USP10: variants seen among roughly 807,000 people sequenced by gnomAD.
The protein encoded by USP10 is ubiquitin specific peptidase 10, also known as ubiquitin carboxyl-terminal hydrolase 10.
Under a neutral mutation model 84.5 loss-of-function variants are expected in USP10, and 22 were observed. The ratio of observed to expected loss-of-function variants is 0.26; its 90% confidence interval spans 0.19 to 0.37. The LOEUF is 0.37. Among genes scored for constraint, USP10 ranks in the 10% least tolerant of loss-of-function variants. The pLI, the probability that USP10 is intolerant of heterozygous loss-of-function variation, is 1.00. For missense variants in USP10, 1,019 were observed against 998.9 expected, an observed-to-expected ratio of 1.02 and a Z score of -0.27; for synonymous variants, 454 against 387.6, an observed-to-expected ratio of 1.17 and a Z score of -2.01.
At position 84,759,913 on chromosome 16, in the gene USP10, A is replaced by G; in HGVS notation, c.1417A>G (p.Thr473Ala). ...TAGTGTTCGGCTAATGAATGAGTTC[A>G]CTAATATGCCAGTACCTCCAAAACC... ...DSFVRLMNEF[T>A]NMPVPPKPRQ... is the part of the protein sequence containing the mutation. The change falls in exon 7 of 14, where the codon ACT (threonine) becomes GCT (alanine). Residue 473 changes from threonine to alanine, a missense_variant. This residue lies in a region of USP10 where 787 missense variants were observed against 708.8 expected (regional missense o/e 1.11). Coordinates refer to ENST00000219473, the MANE Select transcript of USP10 (RefSeq NM_005153.3). The G allele has an allele frequency of 6.2e-7, 1 of 1,614,028 alleles. No individual in the cohort carries two copies. Among genetic ancestry groups the G allele is most frequent in the Non-Finnish European group, 8.5e-7 (1 of 1,179,888 alleles).
chr16:84,732,914 G>A, intron 1 of USP10: 1 of 368,216 alleles, frequency 2.7e-6, no homozygotes. Flanking sequence ...ATGTGTATCT[G>A]TGTATCCTAT....
At position 84,779,037 on chromosome 16, in the gene USP10, A is replaced by G; in HGVS notation, c.2352A>G (p.Glu784=). 6.2e-7 allele frequency: 1 copy of G among 1,613,988 alleles called. No homozygotes were observed. The highest frequency in any genetic ancestry group is 8.5e-7 in the Non-Finnish European group (1 of 1,179,882). The change falls in exon 14 of 14, where the codon GAA becomes GAG. Residue 784 remains glutamate, a synonymous_variant. Coordinates refer to ENST00000219473, the MANE Select transcript of USP10 (RefSeq NM_005153.3). The stretch of plus-strand genomic sequence containing the variant: ...ACCAGGTGGTGAAACCAACTGCTGA[A>G]CGCACAGCCTACCTCCTGTATTACC... ...NQYQVVKPTA[E]RTAYLLYYRR...
chr16:84,733,574 G>T, intron 2 of USP10, 71 bp downstream of exon 2: 3 of 1,188,598 alleles, frequency 2.5e-6, no homozygotes, highest in Admixed American at 2.5e-5. Context: ...ATTTTAATTT[G>T]TTTTTTTAAA....
chr16:84,739,698 A>G (rs1038037020), intron 2 of USP10, among the ~76,000 whole-genome samples: 4 of 152,258 alleles, frequency 2.6e-5, no homozygotes, highest in Non-Finnish European at 5.9e-5. Flanking sequence ...TCAGCTTTTT[A>G]CAAAGAAGTC....
chr16:84,730,556 C>T (rs1376337175), intron 1 of USP10, among the ~76,000 whole-genome samples: 1 of 152,174 alleles, frequency 6.6e-6, no homozygotes, highest in Non-Finnish European at 1.5e-5. Flanking sequence ...TCTGAGCGTT[C>T]CAGCTCATGA....
intron 4 of USP10, among the ~76,000 whole-genome samples, chr16:84,757,904 T>C (rs184126366): frequency 6.6e-6 from 1 of 152,316 alleles, no homozygotes; most frequent in East Asian, 1.9e-4. Context: ...CATTTGTCAA[T>C]TGTAAAGAAC....
intron 4 of USP10, among the ~76,000 whole-genome samples, chr16:84,751,110 C>T (rs1050341348): frequency 1.3e-5 from 2 of 152,222 alleles, no homozygotes; most frequent in African/African-American, 4.8e-5. Flanking sequence ...TGGAGCTAAA[C>T]AATTTCTAGT....
Position 84,725,786 on chromosome 16 carries a change from A to C in USP10, c.22-7649A>C, listed in dbSNP as rs182403471. 3.0e-4 allele frequency among the ~76,000 whole-genome samples: 45 copies of C among 152,358 alleles called. No homozygotes were observed. The East Asian group carries it at 6.0e-3, about 20-fold the overall frequency. On this transcript the variant is annotated intron_variant, in intron 1 of 13. Transcript: ENST00000219473. Reference sequence around the variant, plus strand: ...TTTTGGAGATGGGAAGAATTTTAGAAGTTGTCTGGTCCAACATACCTTCAT... The same window carrying C: ...TTTTGGAGATGGGAAGAATTTTAGACGTTGTCTGGTCCAACATACCTTCAT...
At chr16:84,727,459 A>AAAAC (rs138251432) in intron 1 of USP10, among the ~76,000 whole-genome samples, 1,668 of 148,440 alleles carry the variant, frequency 0.011, 23 homozygotes, top group African/African-American at 0.036. Flanking sequence ...TAGCTTTAAA[A>AAAAC]AAACAAACAA....
At chr16:84,725,097 G>T (rs1255752640) in intron 1 of USP10, among the ~76,000 whole-genome samples, 1 of 152,154 alleles carries the variant, frequency 6.6e-6, no homozygotes, top group African/African-American at 2.4e-5. Flanking sequence ...GGTTTTTAGT[G>T]TATTCACAAA....
chr16:84,738,872 A>G (rs58671779), intron 2 of USP10, among the ~76,000 whole-genome samples: 2,073 of 152,210 alleles, frequency 0.014, 41 homozygotes, highest in African/African-American at 0.047. Context: ...CAGCTCTCAT[A>G]CAGTATTGGG....
At chr16:84,757,543 C>T (rs574174476) in intron 4 of USP10, among the ~76,000 whole-genome samples, 52 of 151,888 alleles carry the variant, frequency 3.4e-4, no homozygotes, top group African/African-American at 1.2e-3. Flanking sequence ...TATTTTTGAG[C>T]GATGCCTTAG....
At chr16:84,742,850 T>A (rs1358560156) in intron 3 of USP10, among the ~76,000 whole-genome samples, 3 of 152,258 alleles carry the variant, frequency 2.0e-5, no homozygotes, top group Non-Finnish European at 4.4e-5. Flanking sequence ...GAAATGGTTC[T>A]GTTCACGTTA....
chr16:84,737,964 C>G (rs1910148977), intron 2 of USP10, among the ~76,000 whole-genome samples: 1 of 152,228 alleles, frequency 6.6e-6, no homozygotes, highest in Admixed American at 6.5e-5. Flanking sequence ...GTGTATTTTT[C>G]CCGATTGCTG....
At position 84,700,121 on chromosome 16, in the gene USP10, G is replaced by A; in HGVS notation, c.21+10G>A. The A allele has an allele frequency of 7.5e-7, 1 of 1,341,972 alleles. No homozygotes were observed. Among genetic ancestry groups the A allele is most frequent in the Non-Finnish European group, 9.8e-7 (1 of 1,025,164 alleles). The allele number at this position is 1,341,972 out of a possible 1,614,324, so 83.1% of individuals were successfully genotyped here. On this transcript the variant is annotated intron_variant, in intron 1 of 13. Coordinates refer to ENST00000219473, the MANE Select transcript of USP10 (RefSeq NM_005153.3). ...CCTCCACAGCCCGCAGGTAGCCGCC[G>A]GTCTGCGCCTTCGGCCGGAAGGGGC...
chr16:84,733,319 A>T, intron 1 of USP10, 116 bp from the exon 2 acceptor site: 3 of 767,672 alleles, frequency 3.9e-6, no homozygotes, highest in Non-Finnish European at 6.5e-6. Context: ...TTGAGAAAGG[A>T]TCTTGGGGGT....
At chr16:84,732,486 G>A (rs1376642439) in intron 1 of USP10, 13 of 375,388 alleles carry the variant, frequency 3.5e-5, no homozygotes, top group South Asian at 1.1e-4. Flanking sequence ...TGGCTCTGTC[G>A]CCCCGGCTGG....
At position 84,760,273 on chromosome 16, in the gene USP10, A is replaced by G; in HGVS notation, c.1552A>G (p.Lys518Glu). 6.2e-7 allele frequency: 1 copy of G among 1,600,600 alleles called. No homozygotes were observed. Among genetic ancestry groups the G allele is most frequent in the Non-Finnish European group, 8.5e-7 (1 of 1,172,754 alleles). ...LTVNKSSLSE[K>E]GRQEDAEEYL... The stretch of plus-strand genomic sequence containing the variant: ...AGTTAACAAGTCAAGCCTGTCTGAA[A>G]AGGTTTGAGACTTCTCTGTTGTCAC... The change falls in exon 8 of 14, where the codon AAG becomes GAG. Residue 518 changes from lysine to glutamate, a missense_variant and splice_region_variant. By Grantham distance (56) the Lys-to-Glu change is moderately conservative. Coordinates refer to ENST00000219473, the MANE Select transcript of USP10 (RefSeq NM_005153.3).
chr16:84,769,597 C>T (rs947895714), intron 11 of USP10, among the ~76,000 whole-genome samples: 1 of 151,998 alleles, frequency 6.6e-6, no homozygotes. Flanking sequence ...GGGTGACTGT[C>T]GGCTTGGCTC....
Sources: gnomAD v4.1 joint callset for allele counts (sites outside exome capture counted in the v4.1 genomes callset) on GRCh38, gnomAD v4.1.1 for gene constraint, gnomAD v4.1.1 regional missense constraint, MANE v1.5 for transcripts, NCBI Gene and HGNC (gene_info 2026-07-23, HGNC 2026-07-21) for gene names.